RIMS2: variants seen among roughly 807,000 people sequenced by gnomAD.
The protein encoded by RIMS2 is regulating synaptic membrane exocytosis 2, also known as regulating synaptic membrane exocytosis protein 2.
RIMS2 carries 59 observed loss-of-function variants against 174.4 expected under a neutral mutation model. The observed-to-expected ratio is 0.34, with a 90% CI of 0.27 to 0.42. RIMS2 has a LOEUF of 0.42. RIMS2 is among the 10% of genes least tolerant of loss of function. RIMS2 has a pLI of 1.00. For synonymous variants in RIMS2, 606 were observed against 572.5 expected (o/e 1.06, Z -0.84); for missense variants, 1,620 against 1,666.3 (o/e 0.97, Z 0.48).
chr8:104,114,495 T>C (rs779431033), intron 19 of RIMS2, among the ~76,000 whole-genome samples: 1 of 152,062 alleles, frequency 6.6e-6, no homozygotes, highest in Non-Finnish European at 1.5e-5. Context: ...AAAAAGATGT[T>C]GAAAGGATTA....
chr8:103,665,440 G>A (rs1246233266), intron 1 of RIMS2, among the ~76,000 whole-genome samples: 1 of 152,170 alleles, frequency 6.6e-6, no homozygotes, highest in East Asian at 1.9e-4. Context: ...TATTGATAAA[G>A]AACTTCATGT....
At chr8:104,028,284 A>C (rs1489931669) in intron 19 of RIMS2, among the ~76,000 whole-genome samples, 2 of 152,104 alleles carry the variant, frequency 1.3e-5, no homozygotes, top group Non-Finnish European at 2.9e-5. Flanking sequence ...GGTTTCTTAA[A>C]TATTACTTAC....
chr8:103,623,478 G>GTTTTTTTTTTTTT (rs71575976), intron 1 of RIMS2, among the ~76,000 whole-genome samples: 15 of 83,238 alleles, frequency 1.8e-4, no homozygotes, highest in South Asian at 4.7e-4. Flanking sequence ...GGTTTCTTCA[G>GTTTTTTTTTTTTT]TTTTTTTTTT....
At chr8:103,747,276 T>C (rs1437644487) in intron 2 of RIMS2, among the ~76,000 whole-genome samples, 1 of 127,630 alleles carries the variant, frequency 7.8e-6, no homozygotes, top group Non-Finnish European at 1.6e-5. Flanking sequence ...CAGAGTGTGA[T>C]GATCCCCTTC....
At chr8:103,709,544 A>C (rs2097277535) in intron 2 of RIMS2, among the ~76,000 whole-genome samples, 5 of 152,200 alleles carry the variant, frequency 3.3e-5, no homozygotes, top group Non-Finnish European at 1.5e-5. Context: ...AGCAATGCTC[A>C]GTTTAGCACT....
intron 3 of RIMS2, among the ~76,000 whole-genome samples, chr8:103,865,047 C>G (rs952866834): frequency 2.6e-5 from 4 of 151,946 alleles, no homozygotes; most frequent in African/African-American, 9.7e-5. Flanking sequence ...TATTTCCCTT[C>G]ATAGCACACA....
intron 1 of RIMS2, among the ~76,000 whole-genome samples, chr8:103,627,855 T>C (rs1295639891): frequency 6.6e-6 from 1 of 152,236 alleles, no homozygotes; most frequent in African/African-American, 2.4e-5. Context: ...TCTTCATGCT[T>C]TAAATTTAGA....
intron 1 of RIMS2, among the ~76,000 whole-genome samples, chr8:103,691,824 C>T (rs758879678): frequency 2.6e-5 from 4 of 152,000 alleles, no homozygotes; most frequent in Non-Finnish European, 4.4e-5. Context: ...TGTACCCATC[C>T]TTCTTGGTAA....
intron 1 of RIMS2, among the ~76,000 whole-genome samples, chr8:103,576,684 G>A (rs2093266713): frequency 6.6e-6 from 1 of 152,146 alleles, no homozygotes; most frequent in African/African-American, 2.4e-5. Context: ...ATACTACAAG[G>A]CTACAGTAAC....
At chr8:103,518,288 T>C (rs1312614647) in intron 1 of RIMS2, among the ~76,000 whole-genome samples, 1 of 152,084 alleles carries the variant, frequency 6.6e-6, no homozygotes, top group Non-Finnish European at 1.5e-5. Flanking sequence ...ATCTTTTGGC[T>C]TCCCTGGGCC....
intron 1 of RIMS2, among the ~76,000 whole-genome samples, chr8:103,664,505 T>A (rs2892597): frequency 0.18 from 26,757 of 152,052 alleles, 2,555 homozygotes; most frequent in African/African-American, 0.23. Flanking sequence ...GACATTTATC[T>A]GGCCAACAAA....
intron 1 of RIMS2, among the ~76,000 whole-genome samples, chr8:103,691,931 G>A (rs908507128): frequency 1.3e-5 from 2 of 152,134 alleles, no homozygotes; most frequent in South Asian, 4.2e-4. Flanking sequence ...TCCCAGTAAT[G>A]TTGCAGACTC....
chr8:103,688,651 C>A (rs2096972403), intron 1 of RIMS2, among the ~76,000 whole-genome samples: 1 of 151,656 alleles, frequency 6.6e-6, no homozygotes, highest in Admixed American at 6.6e-5. Context: ...CTCTTCTATT[C>A]AGTTTTTTGG....
chr8:103,687,508 C>G (rs1291091589), intron 1 of RIMS2, among the ~76,000 whole-genome samples: 3 of 152,006 alleles, frequency 2.0e-5, no homozygotes, highest in Non-Finnish European at 4.4e-5. Flanking sequence ...TATGCATTAT[C>G]TCACATACTT....
chr8:104,121,429 C>A (rs1308263675), intron 19 of RIMS2, among the ~76,000 whole-genome samples: 6 of 152,078 alleles, frequency 3.9e-5, no homozygotes, highest in African/African-American at 1.4e-4. Context: ...CAGACCGTTA[C>A]CTTTTTCTTA....
At chr8:103,786,175 G>A (rs1000022821) in intron 3 of RIMS2, among the ~76,000 whole-genome samples, 15 of 151,864 alleles carry the variant, frequency 9.9e-5, no homozygotes, top group South Asian at 2.1e-4. Context: ...ATCTTTATTC[G>A]TCTTGCTAGT....
At chr8:103,775,031 A>G (rs759260149) in intron 3 of RIMS2, among the ~76,000 whole-genome samples, 31 of 152,184 alleles carry the variant, frequency 2.0e-4, no homozygotes, top group Admixed American at 3.3e-4. Context: ...AATTTTCTTT[A>G]TAATCAATGT....
At chr8:104,175,476 T>A (rs2098880464) in intron 19 of RIMS2, among the ~76,000 whole-genome samples, 1 of 152,174 alleles carries the variant, frequency 6.6e-6, no homozygotes, top group African/African-American at 2.4e-5. Context: ...TCAGTTATTT[T>A]AAAATGTATA....
chr8:103,571,017 G>T (rs1269964960), intron 1 of RIMS2, among the ~76,000 whole-genome samples: 1 of 151,878 alleles, frequency 6.6e-6, no homozygotes, highest in Non-Finnish European at 1.5e-5. Context: ...ATGATCAATT[G>T]GTCTACTTAT....
Sources: gnomAD v4.1 joint callset for allele counts (sites outside exome capture counted in the v4.1 genomes callset) on GRCh38, gnomAD v4.1.1 for gene constraint, MANE v1.5 for transcripts, NCBI Gene and HGNC (gene_info 2026-07-23, HGNC 2026-07-21) for gene names.